The following PLOD1 variants were observed in gnomAD, a reference collection of about 807,000 sequenced individuals.
The protein encoded by PLOD1 is procollagen-lysine,2-oxoglutarate 5-dioxygenase 1.
PLOD1 carries 70 observed loss-of-function variants against 94.7 expected under a neutral mutation model. The ratio of observed to expected loss-of-function variants is 0.74; its 90% CI spans 0.61 to 0.90. The LOEUF (loss-of-function observed/expected upper bound fraction) is 0.90, where lower values mean the gene tolerates loss of function less well. PLOD1 is among the 40% of genes least tolerant of loss of function. The pLI is 0.00. For synonymous variants in PLOD1, 417 were observed against 400.2 expected (o/e 1.04, Z -0.50); for missense variants, 905 against 972.7 (o/e 0.93, Z 0.93).
chr1:11,956,802 T>A, intron 6 of PLOD1, 115 bp from the exon 7 acceptor site: 1 of 768,174 alleles, frequency 1.3e-6, no homozygotes, highest in Non-Finnish European at 2.4e-6. Context: ...GAGAAGTGAC[T>A]TGCCCGAGGA....
intron 16 of PLOD1, among the ~76,000 whole-genome samples, chr1:11,969,059 C>T (rs1206554015): frequency 5.1e-5 from 7 of 138,512 alleles, no homozygotes; most frequent in Non-Finnish European, 7.6e-5. Context: ...GAGTTTTGCT[C>T]GTCACCCAGG....
intron 10 of PLOD1, among the ~76,000 whole-genome samples, chr1:11,962,539 G>A (rs1645785867): frequency 6.6e-6 from 1 of 151,984 alleles, no homozygotes; most frequent in Admixed American, 6.6e-5. Context: ...GCCTCCCAAA[G>A]TGCTGGGATT....
intron 16 of PLOD1, among the ~76,000 whole-genome samples, chr1:11,967,660 T>TA (rs1557498548): frequency 8.2e-6 from 1 of 122,430 alleles, no homozygotes; most frequent in Non-Finnish European, 1.7e-5. Flanking sequence ...ATATATATAT[T>TA]TTTTTTAAAT....
intron 16 of PLOD1, among the ~76,000 whole-genome samples, chr1:11,967,531 A>G (rs1645827180): frequency 7.1e-6 from 1 of 140,936 alleles, no homozygotes; most frequent in Non-Finnish European, 1.5e-5. Flanking sequence ...TGAGAATCCC[A>G]ACACCTGTTC....
intron 1 of PLOD1, among the ~76,000 whole-genome samples, chr1:11,938,144 G>A (rs1432672315): frequency 2.9e-5 from 4 of 137,122 alleles, no homozygotes; most frequent in Non-Finnish European, 4.6e-5. Context: ...GTAGAGACGG[G>A]GTTTTGCAAT....
chr1:11,967,176 T>A, intron 16 of PLOD1, 85 bp downstream of exon 16: 1 of 884,896 alleles, frequency 1.1e-6, no homozygotes, highest in South Asian at 1.3e-5. Context: ...TCTGGCAAGC[T>A]GGCCTGGCCA....
chr1:11,937,777 C>T (rs1290655380), intron 1 of PLOD1, among the ~76,000 whole-genome samples: 1 of 152,078 alleles, frequency 6.6e-6, no homozygotes, highest in Non-Finnish European at 1.5e-5. Flanking sequence ...CTGAGGTAAC[C>T]CAGGTAGAGC....
chr1:11,952,572 G>A, intron 4 of PLOD1, 51 bp from the exon 5 acceptor site: 1 of 1,348,982 alleles, frequency 7.4e-7, no homozygotes, highest in Non-Finnish European at 1.1e-6. Context: ...CCCTGACTTA[G>A]AGGCTGGAAG....
Position 11,958,793 on chromosome 1 carries a change from A to C in PLOD1, c.975+146A>C. ...CACCAGTGGACTGTGTCCCCAAATC[A>C]CTGAGTTAACTTTGGAGTCAGACTG... On this transcript the variant is annotated intron_variant, in intron 9 of 18. Transcript: ENST00000196061. This position sits in a 1 kb window ranked among gnomAD's most constrained non-coding sequence, Gnocchi z 4.3. 1.1e-6 allele frequency: 1 copy of C among 938,886 alleles called. No homozygotes were observed. The highest frequency in any genetic ancestry group is 1.7e-6 in the Non-Finnish European group (1 of 601,708). 58.2% of individuals were successfully genotyped at this position (938,886 alleles called of 1,614,324 possible).
chr1:11,974,777 G>C lies in PLOD1; in HGVS notation c.2153G>C (p.Arg718Pro). Reference sequence around the variant, plus strand: ...GGGCTCCCCACCACCAGGGGCACCCGCTACATCGCAGTCTCCTTCGTCGAT... The same window carrying C: ...GGGCTCCCCACCACCAGGGGCACCCCCTACATCGCAGTCTCCTTCGTCGAT... ...HEGLPTTRGT[R>P]YIAVSFVDP The change falls in exon 19 of 19, where the codon CGC becomes CCC. Residue 718 changes from arginine to proline, a missense_variant. Transcript: ENST00000196061. The C allele has an allele frequency of 6.2e-7, 1 of 1,614,072 alleles. No homozygotes were observed. Among genetic ancestry groups the C allele is most frequent in the South Asian group, 1.1e-5 (1 of 91,086 alleles).
intron 1 of PLOD1, among the ~76,000 whole-genome samples, chr1:11,940,691 G>A (rs760865291): frequency 6.6e-6 from 1 of 152,220 alleles, no homozygotes; most frequent in Non-Finnish European, 1.5e-5. Flanking sequence ...GGCAGTAGGT[G>A]GGGAGGGCTG....
chr1:11,937,334 C>A (rs1645586826), intron 1 of PLOD1, among the ~76,000 whole-genome samples: 3 of 152,198 alleles, frequency 2.0e-5, no homozygotes, highest in Admixed American at 2.0e-4. Flanking sequence ...GGGGAGAGTT[C>A]AGCTCAATGC....
chr1:11,944,795 C>T (rs540197587), intron 1 of PLOD1: 1 of 564,328 alleles, frequency 1.8e-6, no homozygotes, highest in South Asian at 2.0e-5. Flanking sequence ...GCTCCCTGCC[C>T]CGGCTACCCC....
chr1:11,956,805 C>A, intron 6 of PLOD1, 112 bp from the exon 7 acceptor site: 1 of 771,796 alleles, frequency 1.3e-6, no homozygotes, highest in Non-Finnish European at 2.4e-6. Flanking sequence ...AAGTGACTTG[C>A]CCGAGGACAT....
chr1:11,953,080 G>C (rs1452140374), intron 5 of PLOD1, among the ~76,000 whole-genome samples: 1 of 152,028 alleles, frequency 6.6e-6, no homozygotes, highest in Non-Finnish European at 1.5e-5. Flanking sequence ...TTTTGGGATG[G>C]AGTCTCACTG....
In PLOD1 at chr1:11,974,809, T is replaced by C. The variant is rs1458743299; in HGVS notation, c.*1T>C. ...CGCAGTCTCCTTCGTCGATCCCTAATTGGCCAGGCCTGACCCTCTTGGACC... is the reference window on the plus strand; with the variant it reads ...CGCAGTCTCCTTCGTCGATCCCTAACTGGCCAGGCCTGACCCTCTTGGACC... On this transcript the variant is annotated 3_prime_UTR_variant, in exon 19 of 19. Coordinates refer to ENST00000196061, the MANE Select transcript of PLOD1 (RefSeq NM_000302.4). 1 of 1,614,146 alleles carries C rather than the reference T, an allele frequency of 6.2e-7. No homozygotes were observed. The highest frequency in any genetic ancestry group is 1.7e-5 in the Admixed American group (1 of 60,020).
Position 11,958,329 on chromosome 1 carries a change from G to A in PLOD1, c.844-187G>A, listed in dbSNP as rs553045755. ...CCTGGGCTCCTGCTGCTCTCTCCCC[G>A]GGGCACCCTCCTGCTGCTTCCCTGC... On this transcript the variant is annotated intron_variant, in intron 8 of 18. Transcript: ENST00000196061. The surrounding 1 kb of genome is among the most constrained non-coding windows in gnomAD (Gnocchi z 4.3). Among the ~76,000 whole-genome samples, 1 of 151,956 alleles carries A rather than the reference G, an allele frequency of 6.6e-6. No homozygotes were observed. The highest frequency in any genetic ancestry group is 2.1e-4 in the South Asian group (1 of 4,804).
chr1:11,974,001 G>C lies in PLOD1; in HGVS notation c.2029-652G>C, dbSNP rs115873640. On this transcript the variant is annotated intron_variant, in intron 18 of 18. Transcript: ENST00000196061. Reference sequence around the variant, plus strand: ...AGCCTTCCACAGCAAAGTGTCTATAGTGGTGAGGTTGGGAAGCTTGATCCT... The same window carrying C: ...AGCCTTCCACAGCAAAGTGTCTATACTGGTGAGGTTGGGAAGCTTGATCCT... 7.1e-3 allele frequency among the ~76,000 whole-genome samples: 1,083 copies of C among 152,222 alleles called. 9 individuals are homozygous for C. The highest frequency in any genetic ancestry group is 0.024 in the African/African-American group (1,012 of 41,546).
At chr1:11,965,679 C>A (rs1014428631) in intron 14 of PLOD1, 86 bp downstream of exon 14, 25 of 849,172 alleles carry the variant, frequency 2.9e-5, no homozygotes, top group African/African-American at 2.6e-4. Flanking sequence ...CAGAGTCTTA[C>A]AACAGCCAGG....
Sources: gnomAD v4.1 joint callset for allele counts (sites outside exome capture counted in the v4.1 genomes callset) on GRCh38, gnomAD v4.1.1 for gene constraint, Gnocchi (gnomAD v3.1) non-coding constraint, MANE v1.5 for transcripts, NCBI Gene and HGNC (gene_info 2026-07-23, HGNC 2026-07-21) for gene names.